PCCA: variants seen among roughly 807,000 people sequenced by gnomAD.
PCCA encodes propionyl-CoA carboxylase subunit alpha, also known as propionyl-CoA carboxylase alpha chain, mitochondrial.
PCCA carries 74 observed loss-of-function variants against 101.3 expected under a neutral mutation model. That is an observed-to-expected ratio of 0.73 (90% CI 0.61 to 0.89). PCCA has a LOEUF of 0.89. Among genes scored for constraint, PCCA ranks in the 40% least tolerant of loss-of-function variants. PCCA has a pLI of 0.00. For missense variants in PCCA, 891 were observed against 907.0 expected (o/e 0.98, Z 0.23); for synonymous variants, 294 against 313.6 (o/e 0.94, Z 0.66).
At chr13:100,303,732 G>A (rs989345471) in intron 14 of PCCA, among the ~76,000 whole-genome samples, 9 of 151,936 alleles carry the variant, frequency 5.9e-5, no homozygotes, top group Non-Finnish European at 8.8e-5. Flanking sequence ...AAGATTACAG[G>A]AAGAATTCTA....
rs140930266 is a variant in PCCA, at chr13:100,216,822, A to T, written c.600+7359A>T. Among the ~76,000 whole-genome samples, 1,459 of 152,286 alleles carry T rather than the reference A, an allele frequency of 9.6e-3. 84 individuals carry two copies. Among genetic ancestry groups the T allele is most frequent in the Admixed American group, 0.088 (1,352 of 15,294 alleles). ...GAGAAAATAGATAAGTATATAAAGA[A>T]TTTCATCCGGGTATGGTGGCTCATG... is the stretch of plus-strand genomic sequence containing the variant. On this transcript the variant is annotated intron_variant, in intron 7 of 23. Coordinates refer to ENST00000376285, the MANE Select transcript of PCCA (RefSeq NM_000282.4).
intron 8 of PCCA, among the ~76,000 whole-genome samples, chr13:100,251,174 G>T (rs558400133): frequency 1.3e-5 from 2 of 152,126 alleles, no homozygotes; most frequent in Admixed American, 1.3e-4. Context: ...AAAGTGAATA[G>T]ATTTGATCTT....
chr13:100,422,114 CTTTCT>C (rs1325136553), intron 19 of PCCA, among the ~76,000 whole-genome samples: 26 of 104,994 alleles, frequency 2.5e-4, no homozygotes, highest in Admixed American at 9.0e-4. Context: ...TTCTTTCTTT[CTTTCT>C]TTTCTTTCTT....
At chr13:100,157,080 T>C (rs1262019858) in intron 5 of PCCA, among the ~76,000 whole-genome samples, 1 of 152,172 alleles carries the variant, frequency 6.6e-6, no homozygotes, top group Non-Finnish European at 1.5e-5. Context: ...AAAGGGAGTG[T>C]GGAGAAAGTA....
chr13:100,415,085 G>A (rs973982406), intron 19 of PCCA, among the ~76,000 whole-genome samples: 4 of 151,910 alleles, frequency 2.6e-5, no homozygotes, highest in African/African-American at 9.7e-5. Flanking sequence ...GAGTTGGAGT[G>A]TATTATTTCT....
chr13:100,206,557 G>A (rs2058866008), intron 6 of PCCA, among the ~76,000 whole-genome samples: 2 of 152,138 alleles, frequency 1.3e-5, no homozygotes, highest in Admixed American at 6.5e-5. Flanking sequence ...ACTGTGCCCG[G>A]CCATTCTAAT....
intron 12 of PCCA, among the ~76,000 whole-genome samples, chr13:100,286,519 A>C (rs553304727): frequency 2.0e-5 from 3 of 152,356 alleles, no homozygotes; most frequent in Admixed American, 1.3e-4. Context: ...AGGTTGCTTT[A>C]CGAGGAACTT....
chr13:100,262,317 C>T (rs1446912095), intron 9 of PCCA, among the ~76,000 whole-genome samples: 1 of 151,994 alleles, frequency 6.6e-6, no homozygotes, highest in Non-Finnish European at 1.5e-5. Flanking sequence ...CACTTGAAAC[C>T]CGGCAGGCAG....
At chr13:100,304,141 A>AC (rs1319164561) in intron 14 of PCCA, among the ~76,000 whole-genome samples, 1 of 152,198 alleles carries the variant, frequency 6.6e-6, no homozygotes, top group African/African-American at 2.4e-5. Flanking sequence ...GACAAACTAT[A>AC]CCCCCTACAG....
chr13:100,401,977 T>C (rs1240006757), intron 19 of PCCA, among the ~76,000 whole-genome samples: 2 of 152,226 alleles, frequency 1.3e-5, no homozygotes, highest in Admixed American at 6.5e-5. Flanking sequence ...CTGCCTTTCA[T>C]TAAATGAGCT....
At chr13:100,515,740 G>A (rs188407210) in intron 22 of PCCA, among the ~76,000 whole-genome samples, 173 bp downstream of exon 22, 36 of 152,330 alleles carry the variant, frequency 2.4e-4, no homozygotes, top group Non-Finnish European at 4.6e-4. Context: ...TTTGCATTAC[G>A]TTGGTGCCAG....
intron 4 of PCCA, among the ~76,000 whole-genome samples, chr13:100,118,544 G>A (rs12428073): frequency 0.1 from 15,931 of 151,972 alleles, 1,107 homozygotes; most frequent in South Asian, 0.16. Flanking sequence ...CATAAGTGAT[G>A]TTCTTTCTTT....
intron 16 of PCCA, among the ~76,000 whole-genome samples, chr13:100,328,659 C>G (rs1012801383): frequency 1.6e-5 from 2 of 126,056 alleles, no homozygotes; most frequent in Non-Finnish European, 3.5e-5. Flanking sequence ...AATTTTTTGT[C>G]TATGTTGTTA....
At chr13:100,116,462 T>C (rs535036583) in intron 4 of PCCA, among the ~76,000 whole-genome samples, 1 of 152,278 alleles carries the variant, frequency 6.6e-6, no homozygotes, top group African/African-American at 2.4e-5. Context: ...AAACAATTAA[T>C]GTTTGATAGA....
At chr13:100,292,118 T>C (rs1249251135) in intron 12 of PCCA, among the ~76,000 whole-genome samples, 1 of 152,222 alleles carries the variant, frequency 6.6e-6, no homozygotes, top group Admixed American at 6.5e-5. Flanking sequence ...CAGGAATAGC[T>C]AACCTGGGTT....
At chr13:100,384,364 G>A (rs1351310735) in intron 19 of PCCA, among the ~76,000 whole-genome samples, 2 of 152,128 alleles carry the variant, frequency 1.3e-5, no homozygotes, top group African/African-American at 2.4e-5. Context: ...AAATGTTTTT[G>A]TGTAACGTTT....
chr13:100,171,890 G>A (rs2152416091), intron 6 of PCCA, among the ~76,000 whole-genome samples: 1 of 152,142 alleles, frequency 6.6e-6, no homozygotes, highest in South Asian at 2.1e-4. Flanking sequence ...AAATTAGCCG[G>A]GCGTGGTGGC....
chr13:100,187,254 A>G (rs1444282012), intron 6 of PCCA, among the ~76,000 whole-genome samples: 2 of 152,224 alleles, frequency 1.3e-5, no homozygotes, highest in African/African-American at 4.8e-5. Context: ...ATTATCCTCC[A>G]TGATTAAAAA....
chr13:100,296,969 A>T (rs1383949818), intron 12 of PCCA, among the ~76,000 whole-genome samples: 1 of 152,202 alleles, frequency 6.6e-6, no homozygotes, highest in Non-Finnish European at 1.5e-5. Flanking sequence ...ATCTGGAATA[A>T]TCCTTAGTTT....
Sources: allele counts gnomAD v4.1 joint callset (sites outside exome capture counted in the v4.1 genomes callset), GRCh38; gene constraint gnomAD v4.1.1; transcripts MANE v1.5; gene names NCBI Gene and HGNC (gene_info 2026-07-23, HGNC 2026-07-21).